Variants in FRMD7 observed in about 807,000 individuals in gnomAD.
FRMD7 encodes FERM domain containing 7.
Under a neutral mutation model 44.1 loss-of-function variants are expected in FRMD7, and 14 were observed. That is an observed-to-expected ratio of 0.32 (90% CI 0.21 to 0.50). The LOEUF is 0.50. FRMD7 is among the 20% of genes least tolerant of loss of function. The pLI, the probability that FRMD7 is intolerant of heterozygous loss-of-function variation, is 0.99. For synonymous variants in FRMD7, 212 were observed against 187.4 expected (o/e 1.13, Z -1.07); for missense variants, 501 against 522.3 (o/e 0.96, Z 0.40).
chrX:132,104,724 A>T (rs1928601561), intron 1 of FRMD7, among the ~76,000 whole-genome samples: 1 of 111,551 alleles, frequency 9.0e-6, no homozygotes. Context: ...ACAAACAAAC[A>T]AACAAAAAAT....
At chrX:132,113,452 C>A (rs147606380) in intron 1 of FRMD7, among the ~76,000 whole-genome samples, 26 of 111,242 alleles carry the variant, frequency 2.3e-4, no homozygotes, top group African/African-American at 8.2e-4. Flanking sequence ...AATGGCAGAC[C>A]TGGGAGTGGA....
chrX:132,102,242 G>T (rs1475587161), intron 1 of FRMD7, among the ~76,000 whole-genome samples: 1 of 111,239 alleles, frequency 9.0e-6, no homozygotes, highest in Non-Finnish European at 1.9e-5. Context: ...TCTCTACTTG[G>T]TTTTACTGCC....
intron 3 of FRMD7, 36 bp downstream of exon 3, chrX:132,099,432 G>T: frequency 8.9e-7 from 1 of 1,127,893 alleles, no homozygotes; most frequent in Non-Finnish European, 1.2e-6. Context: ...AGCTCTAACT[G>T]TGAACTCTCT....
At chrX:132,088,361 G>A (rs1177499653) in intron 5 of FRMD7, among the ~76,000 whole-genome samples, 1 of 111,379 alleles carries the variant, frequency 9.0e-6, no homozygotes, top group Non-Finnish European at 1.9e-5. Context: ...ACCAGCTTGG[G>A]CAACATGGCA....
intron 5 of FRMD7, among the ~76,000 whole-genome samples, chrX:132,093,020 T>C (rs1460584695): frequency 1.8e-5 from 2 of 111,617 alleles, no homozygotes; most frequent in Admixed American, 1.9e-4. Flanking sequence ...AATTCCTATG[T>C]GTCCCTTTAA....
In FRMD7 at chrX:132,078,062, T is replaced by C; in HGVS notation, c.1955A>G (p.Asp652Gly). 3.3e-6 allele frequency: 4 copies of C among 1,211,145 alleles called. No homozygotes were observed. The highest frequency in any genetic ancestry group is 4.5e-6 in the Non-Finnish European group (4 of 895,069). The change falls in exon 12 of 12, where the codon GAT becomes GGT. Residue 652 changes from aspartate to glycine, a missense_variant. By Grantham distance (94) the Asp-to-Gly change is moderately conservative (BLOSUM62 -1). Transcript: ENST00000298542. ...TGGTTTAAGAATCTCTGATTCAGAA[T>C]CACTGGATTCACTAGCTACATACCT... ...AERYVASESS[D>G]SESEILKPDY...
rs1254433483 is a variant in FRMD7 at position 132,078,383 on chromosome X, T to C, written c.1634A>G (p.Gln545Arg). ...PRNIRMKSFQ[Q>R]DLQVLQEAIA... is the part of the protein sequence containing the mutation. The stretch of plus-strand genomic sequence containing the variant: ...AGCTTCTTGGAGTACTTGCAGGTCT[T>C]GCTGAAAGCTCTTCATTCTGATATT... Residue 545 changes from glutamine to arginine, a missense_variant, in exon 12 of 12, where the codon CAA becomes CGA. Gln to Arg is a conservative substitution (Grantham distance 43). Coordinates refer to ENST00000298542, the MANE Select transcript of FRMD7 (RefSeq NM_194277.3). The C allele has an allele frequency of 1.3e-5, 16 of 1,209,600 alleles. No individual in the cohort carries two copies. The African/African-American group carries it at 2.6e-4, about 20-fold the overall frequency.
Position 132,082,544 on chromosome X carries a change from C to T in FRMD7, c.742-18G>A. 1 of 1,187,311 alleles carries T rather than the reference C, an allele frequency of 8.4e-7. No homozygotes were observed. ...CACAACACCTGTATAAACCAATTTC[C>T]ATTAAGTAAAACATCCTTCAAGAAT... is the stretch of plus-strand genomic sequence containing the variant. On this transcript the variant is annotated intron_variant, in intron 8 of 11. Transcript: ENST00000298542.
chrX:132,093,432 G>A (rs1334955598), intron 5 of FRMD7, among the ~76,000 whole-genome samples: 1 of 112,267 alleles, frequency 8.9e-6, no homozygotes, highest in Non-Finnish European at 1.9e-5. Flanking sequence ...AGCCTGGCCT[G>A]CCAGGCATCA....
In FRMD7 at chrX:132,103,922, G is replaced by A. The variant is rs1928577763; in HGVS notation, c.58-3206C>T. 7.2e-5 allele frequency among the ~76,000 whole-genome samples: 8 copies of A among 111,370 alleles called. No homozygotes were observed. The South Asian group carries it at 3.0e-3, about 42-fold the overall frequency. ...TGTTTACTGAGTAAGTGGATAAATG[G>A]ACCCAGACATTTAACTTGATTCATG... On this transcript the variant is annotated intron_variant, in intron 1 of 11. Coordinates refer to ENST00000298542, the MANE Select transcript of FRMD7 (RefSeq NM_194277.3).
At position 132,078,114 on chromosome X, in the gene FRMD7, C is replaced by T; in HGVS notation, c.1903G>A (p.Val635Ile). 2.5e-6 allele frequency: 3 copies of T among 1,210,933 alleles called. No homozygotes were observed. The highest frequency in any genetic ancestry group is 3.4e-6 in the Non-Finnish European group (3 of 894,652). ...DMFAEQELPA[V>I]LMDQSTAERY... is the part of the protein sequence containing the mutation. ...TCTGCTGTACTTTGATCCATTAGAACTGCTGGCAACTCCTGCTCTGCAAAC... is the reference window on the plus strand; with the variant it reads ...TCTGCTGTACTTTGATCCATTAGAATTGCTGGCAACTCCTGCTCTGCAAAC... The change falls in exon 12 of 12, where the codon GTT (valine) becomes ATT (isoleucine). Residue 635 changes from valine (V) to isoleucine (I), a missense_variant. Coordinates refer to ENST00000298542, the MANE Select transcript of FRMD7 (RefSeq NM_194277.3).
At position 132,085,979 on chromosome X, in the gene FRMD7, C is replaced by T; in HGVS notation, c.438G>A (p.Arg146=). The T allele has an allele frequency of 8.3e-7, 1 of 1,207,670 alleles. No homozygotes were observed. The highest frequency in any genetic ancestry group is 3.0e-5 in the East Asian group (1 of 33,828). The change falls in exon 6 of 12, where the codon CGG becomes CGA. Residue 146 remains arginine, a synonymous_variant. Transcript: ENST00000298542. The stretch of plus-strand genomic sequence containing the variant: ...CTAAACAGTCTTGGTTTGGTAAGTA[C>T]CGAGTTTGTGCCAGATGCTTCCTAT... ...ETDRKHLAQT[R]YLPNQDCLEG...
intron 5 of FRMD7, among the ~76,000 whole-genome samples, chrX:132,093,322 A>G (rs1402773399): frequency 1.8e-5 from 2 of 112,494 alleles, no homozygotes; most frequent in East Asian, 5.6e-4. Flanking sequence ...GAAACAGCCT[A>G]TTCTTTGGAG....
chrX:132,097,401 G>A (rs1928369878), intron 3 of FRMD7, 57 bp from the exon 4 acceptor site: 2 of 598,128 alleles, frequency 3.3e-6, no homozygotes, highest in East Asian at 3.3e-5. Context: ...ACAGTTATAG[G>A]TACACACACA....
chrX:132,078,016 G>A lies in FRMD7; in HGVS notation c.2001C>T (p.Gly667=), dbSNP rs1442851282. The change falls in exon 12 of 12, where the codon GGC becomes GGT. Residue 667 remains glycine (G), a synonymous_variant. Coordinates refer to ENST00000298542, the MANE Select transcript of FRMD7 (RefSeq NM_194277.3). The part of the protein sequence containing the change: ...ILKPDYYALY[G]KEIRSPMARI... ...TGGCCATGGGTGACCTTATTTCTTTGCCATACAAAGCATAGTAGTCTGGTT... is the reference window on the plus strand; with the variant it reads ...TGGCCATGGGTGACCTTATTTCTTTACCATACAAAGCATAGTAGTCTGGTT... The A allele has an allele frequency of 8.3e-7, 1 of 1,209,717 alleles. No homozygotes were observed. Among genetic ancestry groups the A allele is most frequent in the Non-Finnish European group, 1.1e-6 (1 of 893,915 alleles).
At chrX:132,097,156 T>C (rs1928362040) in intron 4 of FRMD7, 110 bp downstream of exon 4, 2 of 614,428 alleles carry the variant, frequency 3.3e-6, no homozygotes, top group Admixed American at 4.5e-5. Flanking sequence ...TCCCAGACAG[T>C]GACTTAAAGC....
rs146647513 is a variant in FRMD7 at position 132,107,523 on chromosome X, G to T, written c.58-6807C>A. ...CTAGAGGCTGGAGACCTGGGATGAGGGTGCCAGTATGGTTGGACTGTGGTA... is the reference window on the plus strand; with the variant it reads ...CTAGAGGCTGGAGACCTGGGATGAGTGTGCCAGTATGGTTGGACTGTGGTA... On this transcript the variant is annotated intron_variant, in intron 1 of 11. Coordinates refer to ENST00000298542, the MANE Select transcript of FRMD7 (RefSeq NM_194277.3). Among the ~76,000 whole-genome samples the T allele has an allele frequency of 5.2e-3, 565 of 109,543 alleles. 3 individuals are homozygous for T. The highest frequency in any genetic ancestry group is 7.8e-3 in the Non-Finnish European group (410 of 52,622).
intron 1 of FRMD7, among the ~76,000 whole-genome samples, chrX:132,123,244 C>G (rs1454355354): frequency 1.8e-5 from 2 of 111,740 alleles, no homozygotes; most frequent in Non-Finnish European, 3.8e-5. Context: ...GACTTACCCA[C>G]GGCTCCACAG....
intron 1 of FRMD7, among the ~76,000 whole-genome samples, chrX:132,124,022 G>A (rs1436842540): frequency 9.0e-6 from 1 of 111,594 alleles, no homozygotes; most frequent in Non-Finnish European, 1.9e-5. Flanking sequence ...CAAACAAGAG[G>A]TTGCTCTCCA....
Sources: gnomAD v4.1 joint callset for allele counts (sites outside exome capture counted in the v4.1 genomes callset) on GRCh38, gnomAD v4.1.1 for gene constraint, MANE v1.5 for transcripts, NCBI Gene and HGNC (gene_info 2026-07-23, HGNC 2026-07-21) for gene names.